The following WDR83 variants were observed in gnomAD, a reference collection of about 807,000 sequenced individuals.
WDR83 encodes the protein WD repeat domain-containing protein 83.
Under a neutral mutation model 37.7 loss-of-function variants are expected in WDR83, and 37 were observed. That is an observed-to-expected ratio of 0.98 (90% CI 0.76 to 1.29). The LOEUF is 1.29. WDR83 is among the 50% of genes most tolerant of loss of function. The probability of loss-of-function intolerance (pLI) is 0.00; values close to 1 mark genes in which losing one functional copy is unlikely to be tolerated. For missense variants in WDR83, 445 were observed against 414.4 expected, an observed-to-expected ratio of 1.07 and a Z score of -0.64; for synonymous variants, 174 against 181.1, an observed-to-expected ratio of 0.96 and a Z score of 0.31.
intron 2 of WDR83, chr19:12,669,277 G>C: frequency 6.2e-7 from 1 of 1,609,310 alleles, no homozygotes; most frequent in Non-Finnish European, 8.5e-7. Flanking sequence ...TCCTGCCCCC[G>C]GGATAGACAG....
chr19:12,675,794 A>C lies in WDR83; in HGVS notation c.*122A>C. On this transcript the variant is annotated 3_prime_UTR_variant, in exon 11 of 11. Transcript: ENST00000418543. ...AGGGGAGGGGCTGGGTCTGCAAATT[A>C]ATAAATAGAAGAGGGGGTAAGACCT... 6.4e-7 allele frequency: 1 copy of C among 1,568,262 alleles called. No homozygotes were observed. The highest frequency in any genetic ancestry group is 8.7e-7 in the Non-Finnish European group (1 of 1,154,890).
chr19:12,668,492 G>A lies in WDR83; in HGVS notation c.-156-16G>A, dbSNP rs2024319487. On this transcript the variant is annotated splice_polypyrimidine_tract_variant and intron_variant, in intron 1 of 10. Transcript: ENST00000418543. ...GGGTCCCCCCACCCCTTACTCAAGA[G>A]TCACTTGTTCTGTAGGGCAAGTCTC... 6.2e-7 allele frequency: 1 copy of A among 1,613,756 alleles called. No individual in the cohort carries two copies. The highest frequency in any genetic ancestry group is 1.7e-5 in the Admixed American group (1 of 59,958).
chr19:12,673,144 C>T, intron 9 of WDR83, 28 bp downstream of exon 9: 1 of 1,611,722 alleles, frequency 6.2e-7, no homozygotes, highest in African/African-American at 1.3e-5. Context: ...TGGGGATCCC[C>T]TTCCCTCCTC....
chr19:12,670,159 C>T (rs1451149239), intron 4 of WDR83, 21 bp from the exon 5 acceptor site: 2 of 1,610,204 alleles, frequency 1.2e-6, no homozygotes, highest in African/African-American at 2.7e-5. Flanking sequence ...CGATGCTGAT[C>T]CTCCTCCTCC....
Position 12,673,333 on chromosome 19 carries a change from C to T in WDR83, c.798+17C>T. On this transcript the variant is annotated intron_variant, in intron 10 of 10. Transcript: ENST00000418543. ...CTGGTGGAGGTGAGGTGCCCCCAGC[C>T]CTACTTCATACCTAGATGCCTGCCC... is the stretch of plus-strand genomic sequence containing the variant. The T allele has an allele frequency of 6.2e-7, 1 of 1,602,984 alleles. No homozygotes were observed. Among genetic ancestry groups the T allele is most frequent in the South Asian group, 1.1e-5 (1 of 90,830 alleles).
rs780673091 is a variant in WDR83, at chr19:12,670,764, A to G, written c.449A>G (p.Asp150Gly). 6.2e-7 allele frequency: 1 copy of G among 1,614,172 alleles called. No individual in the cohort carries two copies. The highest frequency in any genetic ancestry group is 2.2e-5 in the East Asian group (1 of 44,878). The change falls in exon 7 of 11, where the codon GAT becomes GGT. Residue 150 changes from aspartate (D) to glycine (G), a missense_variant. Physicochemically the swap from Asp to Gly is moderately conservative, Grantham distance 94 (BLOSUM62 -1). Transcript: ENST00000418543. ...AGGCCTGAGCCAGTGCAGACGCTGG[A>G]TGAGGCCAGAGATGGCGTGTCCAGT... The part of the protein sequence containing the change: ...SRRPEPVQTL[D>G]EARDGVSSVK...
chr19:12,673,403 C>G, intron 10 of WDR83, 87 bp downstream of exon 10: 12 of 399,218 alleles, frequency 3.0e-5, no homozygotes, highest in East Asian at 6.0e-5. Flanking sequence ...GGCCTGAAGG[C>G]TAGGATCTTT....
At chr19:12,671,650 A>C (rs916402089) in intron 7 of WDR83, among the ~76,000 whole-genome samples, 1 of 152,218 alleles carries the variant, frequency 6.6e-6, no homozygotes, top group African/African-American at 2.4e-5. Flanking sequence ...TCCGTCTCAA[A>C]ATAAGTAAAT....
chr19:12,671,064 A>C (rs1230731778), intron 7 of WDR83: 8 of 484,328 alleles, frequency 1.7e-5, no homozygotes, highest in African/African-American at 1.6e-4. Flanking sequence ...ACGGTGGCTC[A>C]CACCTGTAAT....
chr19:12,672,708 C>G, intron 7 of WDR83, 139 bp from the exon 8 acceptor site: 1 of 856,210 alleles, frequency 1.2e-6, no homozygotes, highest in African/African-American at 1.7e-5. Context: ...TGGCCCTGGG[C>G]CTGAGTCTCA....
intron 2 of WDR83, chr19:12,669,385 A>T: frequency 6.2e-7 from 1 of 1,600,796 alleles, no homozygotes; most frequent in Non-Finnish European, 8.5e-7. Context: ...CGTGGGTCCG[A>T]CATATTGTTA....
intron 7 of WDR83, 73 bp from the exon 8 acceptor site, chr19:12,672,774 T>C (rs1405387278): frequency 1.3e-6 from 2 of 1,483,140 alleles, no homozygotes; most frequent in African/African-American, 1.4e-5. Flanking sequence ...CCCACTGGGC[T>C]GGGAAGGCAC....
chr19:12,674,833 C>T (rs575590747), intron 10 of WDR83, among the ~76,000 whole-genome samples: 100 of 152,072 alleles, frequency 6.6e-4, no homozygotes, highest in Non-Finnish European at 1.1e-3. Context: ...AAAAGACTCC[C>T]GGCCAGGCAT....
In WDR83 at chr19:12,670,827, T is replaced by C. The variant is rs376269543; in HGVS notation, c.506+6T>C. ...GACCACGAGATCCTGGCAGGGTGAG[T>C]GGAGCCAGGACCTGGTCTCACCCCA... On this transcript the variant is annotated splice_donor_region_variant and intron_variant, in intron 7 of 10. Transcript: ENST00000418543. 2.7e-5 allele frequency: 43 copies of C among 1,610,820 alleles called. 1 individual carries two copies. The highest frequency in any genetic ancestry group is 2.5e-4 in the South Asian group (23 of 90,680).
intron 10 of WDR83, 87 bp downstream of exon 10, chr19:12,673,403 C>A (rs962315082): frequency 2.5e-6 from 1 of 399,286 alleles, no homozygotes; most frequent in African/African-American, 2.2e-5. Context: ...GGCCTGAAGG[C>A]TAGGATCTTT....
intron 5 of WDR83, 64 bp downstream of exon 5, chr19:12,670,349 A>G (rs2024375948): frequency 6.4e-7 from 1 of 1,562,914 alleles, no homozygotes; most frequent in African/African-American, 1.4e-5. Flanking sequence ...ATAGGTGGTG[A>G]CACGGCCACC....
chr19:12,672,941 G>A, intron 8 of WDR83, 27 bp downstream of exon 8: 2 of 1,596,526 alleles, frequency 1.3e-6, no homozygotes, highest in Non-Finnish European at 1.7e-6. Flanking sequence ...ATGTGGGACA[G>A]GCAGGGAAGA....
In WDR83 at chr19:12,666,808, C is replaced by A. The variant is rs1418990933; in HGVS notation, c.-341C>A. 2 of 1,181,814 alleles carry A rather than the reference C, an allele frequency of 1.7e-6. No individual in the cohort carries two copies. Among genetic ancestry groups the A allele is most frequent in the South Asian group, 1.5e-5 (1 of 66,774 alleles). 73.2% of individuals were successfully genotyped at this position (1,181,814 alleles called of 1,614,324 possible). ...CGGGGTGGGGGGCGGGGCCAGGGCG[C>A]GGTCTGGAGGCTCACGGGAGAGAGG... On this transcript the variant is annotated 5_prime_UTR_variant, in exon 1 of 11. Transcript: ENST00000418543.
In WDR83 at chr19:12,668,622, G is replaced by A. The variant is rs776442799; in HGVS notation, c.-42G>A. The A allele has an allele frequency of 6.2e-7, 1 of 1,613,578 alleles. No homozygotes were observed. Among genetic ancestry groups the A allele is most frequent in the Non-Finnish European group, 8.5e-7 (1 of 1,179,714 alleles). ...GACCCAAGCACACCACTTCAGCTAG[G>A]GAAAGGTAAGTGGGTGGGCAGGTTA... On this transcript the variant is annotated 5_prime_UTR_variant, in exon 2 of 11. Transcript: ENST00000418543.
Sources: gnomAD v4.1 joint callset for allele counts (sites outside exome capture counted in the v4.1 genomes callset) on GRCh38, gnomAD v4.1.1 for gene constraint, MANE v1.5 for transcripts, NCBI Gene and HGNC (gene_info 2026-07-23, HGNC 2026-07-21) for gene names.